FRMPD3: variants seen among roughly 807,000 people sequenced by gnomAD.
FRMPD3 encodes FERM and PDZ domain containing 3.
In FRMPD3, 42 loss-of-function variants were observed where a neutral mutation model predicts 97.9. The ratio of observed to expected loss-of-function variants is 0.43; its 90% CI spans 0.34 to 0.55. The LOEUF is 0.55. Among genes scored for constraint, FRMPD3 ranks in the 20% least tolerant of loss-of-function variants. The pLI is 0.03. For missense variants in FRMPD3, 1,303 were observed against 1,457.7 expected (o/e 0.89, Z 1.73); for synonymous variants, 577 against 581.1 (o/e 0.99, Z 0.10).
chrX:107,467,462 G>T (rs1276390901), intron 1 of FRMPD3, among the ~76,000 whole-genome samples: 1 of 110,787 alleles, frequency 9.0e-6, no homozygotes, highest in East Asian at 2.8e-4. Context: ...ACTTATAGGG[G>T]ACTTCCTTTC....
chrX:107,533,531 C>G lies in FRMPD3; in HGVS notation c.278C>G (p.Thr93Arg), dbSNP rs1272772034. ...IRSAKEFIVLTVLHTHQSPKS... is the reference protein window; with the variant it reads ...IRSAKEFIVLRVLHTHQSPKS... ...AGCGCTAAGGAATTCATCGTTCTTA[C>G]AGTTCTGCACACTCATCAGGTGAGT... is the stretch of plus-strand genomic sequence containing the variant. The change falls in exon 4 of 15, where the codon ACA becomes AGA. Residue 93 changes from threonine (T) to arginine (R), a missense_variant. Physicochemically the swap from Thr to Arg is moderately conservative, Grantham distance 71. This residue lies in a region of FRMPD3 where 535 missense variants were observed against 618.6 expected (regional missense o/e 0.86). Coordinates refer to ENST00000683843, the MANE Select transcript of FRMPD3 (RefSeq NM_001388459.1). The G allele has an allele frequency of 1.7e-6, 2 of 1,207,845 alleles. No homozygotes were observed. The highest frequency in any genetic ancestry group is 3.5e-5 in the South Asian group (2 of 56,587).
Position 107,493,992 on chromosome X carries a change from T to C in FRMPD3, c.-7-32590T>C, listed in dbSNP as rs150400672. 3.3e-3 allele frequency among the ~76,000 whole-genome samples: 366 copies of C among 110,843 alleles called. 4 individuals carry two copies. Among genetic ancestry groups the C allele is most frequent in the African/African-American group, 0.011 (345 of 30,512 alleles). ...AGATTGTCACCACACACCTTCTCAG[T>C]GGCCACTCTCTGTGGTTGGCCAGGA... On this transcript the variant is annotated intron_variant, in intron 1 of 14. Transcript: ENST00000683843.
chrX:107,515,092 T>C (rs1367733019), intron 1 of FRMPD3, among the ~76,000 whole-genome samples: 1 of 111,775 alleles, frequency 8.9e-6, no homozygotes, highest in East Asian at 2.8e-4. Context: ...TCAGAGTATA[T>C]GAGTTTTGGA....
chrX:107,495,177 G>A (rs1921744267), intron 1 of FRMPD3, among the ~76,000 whole-genome samples: 1 of 111,397 alleles, frequency 9.0e-6, no homozygotes, highest in Non-Finnish European at 1.9e-5. Context: ...ACCTTTGCAC[G>A]TGCTACTCCT....
At chrX:107,522,435 T>C (rs778313367) in intron 1 of FRMPD3, 1 of 557,118 alleles carries the variant, frequency 1.8e-6, no homozygotes, top group South Asian at 2.2e-5. Flanking sequence ...GACTGTAGGG[T>C]TGGGGCAGCT....
intron 12 of FRMPD3, among the ~76,000 whole-genome samples, chrX:107,566,301 G>GA (rs933742218): frequency 8.8e-6 from 1 of 113,130 alleles, no homozygotes; most frequent in Non-Finnish European, 1.9e-5. Flanking sequence ...TTCTAAAAGA[G>GA]AAAATTATTT....
intron 13 of FRMPD3, among the ~76,000 whole-genome samples, chrX:107,591,161 C>CTTTTT (rs1250424424): frequency 6.9e-5 from 7 of 100,867 alleles, no homozygotes; most frequent in African/African-American, 2.5e-4. Context: ...TTCTTTCTTT[C>CTTTTT]TTTTTTTTTT....
chrX:107,463,464 A>G (rs1470004893), intron 1 of FRMPD3, among the ~76,000 whole-genome samples: 1 of 112,515 alleles, frequency 8.9e-6, no homozygotes, highest in Non-Finnish European at 1.9e-5. Context: ...TACCTATTTC[A>G]GGAGGCTATT....
chrX:107,561,541 C>T (rs1922364032), intron 10 of FRMPD3, among the ~76,000 whole-genome samples: 1 of 110,525 alleles, frequency 9.0e-6, no homozygotes, highest in Non-Finnish European at 1.9e-5. Flanking sequence ...CTTTCTAGTG[C>T]TCTGAGGGAC....
intron 13 of FRMPD3, among the ~76,000 whole-genome samples, chrX:107,593,880 A>C (rs969004397): frequency 9.1e-6 from 1 of 109,993 alleles, no homozygotes; most frequent in African/African-American, 3.4e-5. Flanking sequence ...GTTCCATATA[A>C]ATTTTAGGAT....
intron 13 of FRMPD3, among the ~76,000 whole-genome samples, chrX:107,594,855 T>A (rs1924094015): frequency 1.8e-5 from 2 of 111,592 alleles, no homozygotes; most frequent in Non-Finnish European, 3.8e-5. Context: ...CACTCCACCC[T>A]GGGCAATAAG....
At chrX:107,548,935 A>G (rs16985233) in intron 5 of FRMPD3, among the ~76,000 whole-genome samples, 1,930 of 112,421 alleles carry the variant, frequency 0.017, 43 homozygotes, top group African/African-American at 0.059. Flanking sequence ...ACCAGGTCCA[A>G]GTATCTGATG....
At chrX:107,493,535 A>G (rs1921710514) in intron 1 of FRMPD3, among the ~76,000 whole-genome samples, 1 of 112,232 alleles carries the variant, frequency 8.9e-6, no homozygotes, top group African/African-American at 3.2e-5. Context: ...AAACTGGGCA[A>G]CTTTTCAGTC....
intron 4 of FRMPD3, among the ~76,000 whole-genome samples, chrX:107,535,853 T>C (rs891798916): frequency 9.0e-6 from 1 of 110,609 alleles, no homozygotes; most frequent in Admixed American, 9.7e-5. Context: ...ATACGTTGCA[T>C]GCCTGTGTCA....
At chrX:107,541,222 T>C (rs1456783076) in intron 4 of FRMPD3, among the ~76,000 whole-genome samples, 1 of 112,459 alleles carries the variant, frequency 8.9e-6, no homozygotes, top group Non-Finnish European at 1.9e-5. Context: ...TTCAAAGGAG[T>C]GCCCCTAATA....
chrX:107,586,452 C>A (rs1423607156), intron 13 of FRMPD3, among the ~76,000 whole-genome samples: 1 of 103,235 alleles, frequency 9.7e-6, no homozygotes, highest in East Asian at 3.0e-4. Context: ...TCCTTCAATT[C>A]TGCTCTGATC....
At chrX:107,478,945 C>T (rs1921269566) in intron 1 of FRMPD3, among the ~76,000 whole-genome samples, 1 of 111,327 alleles carries the variant, frequency 9.0e-6, no homozygotes, top group Non-Finnish European at 1.9e-5. Flanking sequence ...CTCGGCACCC[C>T]ACTAGGTTCT....
intron 1 of FRMPD3, among the ~76,000 whole-genome samples, chrX:107,470,183 A>C (rs1400802715): frequency 8.9e-6 from 1 of 112,723 alleles, no homozygotes. Context: ...TCTGTATAAC[A>C]AATTATCCCA....
At chrX:107,527,083 G>T (rs2147549823) in intron 2 of FRMPD3, among the ~76,000 whole-genome samples, 1 of 111,883 alleles carries the variant, frequency 8.9e-6, no homozygotes, top group South Asian at 3.8e-4. Context: ...AGTATCTATA[G>T]ATTGCCTACT....
Sources: allele counts gnomAD v4.1 joint callset (sites outside exome capture counted in the v4.1 genomes callset), GRCh38; gene constraint gnomAD v4.1.1; regional missense constraint gnomAD v4.1.1; transcripts MANE v1.5; gene names NCBI Gene and HGNC (gene_info 2026-07-23, HGNC 2026-07-21).